The following APCDD1L variants were observed in gnomAD, a reference collection of about 807,000 sequenced individuals.
APCDD1L encodes the protein protein APCDD1-like.
APCDD1L carries 21 observed loss-of-function variants against 24.2 expected under a neutral mutation model. The ratio of observed to expected loss-of-function variants is 0.87; its 90% CI spans 0.61 to 1.25. The LOEUF (loss-of-function observed/expected upper bound fraction) is 1.25, where lower values mean the gene tolerates loss of function less well. Ranked by LOEUF, APCDD1L falls within the 50% of genes most tolerant of loss-of-function variation. The pLI is 0.00. For synonymous variants in APCDD1L, 321 were observed against 323.6 expected (o/e 0.99, Z 0.09); for missense variants, 704 against 711.7 (o/e 0.99, Z 0.12).
intron 1 of APCDD1L, among the ~76,000 whole-genome samples, chr20:58,509,635 T>C (rs141448140): frequency 4.6e-4 from 70 of 152,216 alleles, no homozygotes; most frequent in African/African-American, 1.6e-3. Flanking sequence ...TCACTGTCAT[T>C]ATTACCAGGC....
chr20:58,479,428 T>A (rs1989980380), intron 1 of APCDD1L, among the ~76,000 whole-genome samples: 1 of 152,054 alleles, frequency 6.6e-6, no homozygotes, highest in African/African-American at 2.4e-5. Flanking sequence ...CATGTCACAT[T>A]TTGCTGTATC....
Position 58,498,371 on chromosome 20 carries a change from C to T in APCDD1L, c.49+16288G>A, listed in dbSNP as rs186817430. 8.4e-4 allele frequency among the ~76,000 whole-genome samples: 128 copies of T among 152,230 alleles called. 1 individual carries two copies. Among genetic ancestry groups the T allele is most frequent in the African/African-American group, 2.9e-3 (120 of 41,530 alleles). On this transcript the variant is annotated intron_variant, in intron 1 of 3. Transcript: ENST00000371149. ...TTTCAGCCTCCAAAATGAACCCCTT[C>T]GGTAATTGAGAACCTATTAAAGGAG...
At chr20:58,502,702 G>T (rs934082667) in intron 1 of APCDD1L, among the ~76,000 whole-genome samples, 1 of 148,108 alleles carries the variant, frequency 6.8e-6, no homozygotes, top group Non-Finnish European at 1.5e-5. Flanking sequence ...AGAGAAAGAA[G>T]TTTGTCTTTG....
chr20:58,468,474 G>A (rs73298793), intron 2 of APCDD1L, among the ~76,000 whole-genome samples: 394 of 152,214 alleles, frequency 2.6e-3, no homozygotes, highest in African/African-American at 8.1e-3. Context: ...TACTGAGGGC[G>A]CAGGTAGGGT....
At chr20:58,493,448 C>T (rs549342691) in intron 1 of APCDD1L, among the ~76,000 whole-genome samples, 7 of 152,262 alleles carry the variant, frequency 4.6e-5, no homozygotes, top group Middle Eastern at 3.4e-3. Flanking sequence ...TAGAGACAAA[C>T]GAGATGATGG....
chr20:58,476,424 C>T (rs1568739908), intron 1 of APCDD1L, among the ~76,000 whole-genome samples: 1 of 152,234 alleles, frequency 6.6e-6, no homozygotes, highest in South Asian at 2.1e-4. Flanking sequence ...CTCCTGACCT[C>T]GTGATCCACC....
At chr20:58,480,924 C>T (rs957810348) in intron 1 of APCDD1L, among the ~76,000 whole-genome samples, 2 of 152,236 alleles carry the variant, frequency 1.3e-5, no homozygotes, top group Non-Finnish European at 1.5e-5. Context: ...GGAAGCGTTT[C>T]CCTTTTCACC....
intron 1 of APCDD1L, among the ~76,000 whole-genome samples, chr20:58,499,450 A>G (rs1481021416): frequency 6.6e-6 from 1 of 152,190 alleles, no homozygotes; most frequent in Non-Finnish European, 1.5e-5. Flanking sequence ...TTCTCCTGCA[A>G]TAACCCTCAG....
At chr20:58,509,053 T>A (rs968246448) in intron 1 of APCDD1L, among the ~76,000 whole-genome samples, 2 of 151,904 alleles carry the variant, frequency 1.3e-5, no homozygotes, top group African/African-American at 4.8e-5. Flanking sequence ...TCCTTTAGCC[T>A]TCTGGGAAGG....
At chr20:58,493,566 T>A (rs1990264231) in intron 1 of APCDD1L, among the ~76,000 whole-genome samples, 1 of 152,166 alleles carries the variant, frequency 6.6e-6, no homozygotes. Context: ...GCTCACACCT[T>A]AGAAACATAA....
chr20:58,487,893 T>C (rs4812007), intron 1 of APCDD1L, among the ~76,000 whole-genome samples: 11,549 of 152,208 alleles, frequency 0.076, 1,026 homozygotes, highest in East Asian at 0.27. Flanking sequence ...AAAAGATCAG[T>C]AATGACACCA....
In APCDD1L at chr20:58,459,472, C is replaced by T. The variant is rs1989554669; in HGVS notation, c.*1318G>A. ...GCTTCCCTCTGAAACCATCATTAAC[C>T]TCACAGACAATTGTTCAAAATCTGT... On this transcript the variant is annotated 3_prime_UTR_variant, in exon 4 of 4. Coordinates refer to ENST00000371149, the MANE Select transcript of APCDD1L (RefSeq NM_153360.3). 2 of 152,142 alleles carry T rather than the reference C, an allele frequency of 1.3e-5. No homozygotes were observed. Among genetic ancestry groups the T allele is most frequent in the Admixed American group, 6.5e-5 (1 of 15,284 alleles). 9.4% of individuals were successfully genotyped at this position (152,142 alleles called of 1,614,324 possible).
At chr20:58,495,657 C>T (rs1272374536) in intron 1 of APCDD1L, among the ~76,000 whole-genome samples, 5 of 152,266 alleles carry the variant, frequency 3.3e-5, no homozygotes, top group Admixed American at 6.5e-5. Flanking sequence ...TCAGTGCCCT[C>T]GTCTGTCGCG....
intron 3 of APCDD1L, among the ~76,000 whole-genome samples, chr20:58,463,887 T>C (rs941397022): frequency 1.3e-5 from 1 of 76,236 alleles, no homozygotes; most frequent in Non-Finnish European, 2.8e-5. Context: ...TGAGAACAGT[T>C]TTTTTTTGGG....
Position 58,461,986 on chromosome 20 carries a change from G to A in APCDD1L, c.742-432C>T, listed in dbSNP as rs565919945. 142 of 169,750 alleles carry A rather than the reference G, an allele frequency of 8.4e-4. 1 individual carries two copies. Among genetic ancestry groups the A allele is most frequent in the Non-Finnish European group, 1.6e-3 (128 of 80,436 alleles). The allele number at this position is 169,750 out of a possible 1,614,324, so 10.5% of individuals were successfully genotyped here. ...ACCCCTCATCAAACTGGAATGCATC[G>A]TGCCTTACAGTACTAAAAAGCCCTA... On this transcript the variant is annotated intron_variant, in intron 3 of 3. Coordinates refer to ENST00000371149, the MANE Select transcript of APCDD1L (RefSeq NM_153360.3). The surrounding 1 kb of genome is among the most constrained non-coding windows in gnomAD (Gnocchi z 6.0).
At chr20:58,500,611 A>G (rs909467160) in intron 1 of APCDD1L, among the ~76,000 whole-genome samples, 2 of 152,168 alleles carry the variant, frequency 1.3e-5, no homozygotes, top group African/African-American at 4.8e-5. Flanking sequence ...GAGATAGGGA[A>G]GTGTCATGCC....
intron 1 of APCDD1L, among the ~76,000 whole-genome samples, chr20:58,505,071 C>CAAAG (rs1384046908): frequency 6.6e-6 from 1 of 152,108 alleles, no homozygotes; most frequent in Non-Finnish European, 1.5e-5. Flanking sequence ...AACATAGAGA[C>CAAAG]AAAGAAAGAA....
In APCDD1L at chr20:58,467,089, C is replaced by T; in HGVS notation, c.741+17G>A. 1 of 1,589,644 alleles carries T rather than the reference C, an allele frequency of 6.3e-7. No homozygotes were observed. Among genetic ancestry groups the T allele is most frequent in the Non-Finnish European group, 8.5e-7 (1 of 1,171,672 alleles). Reference sequence around the variant, plus strand: ...GACCACCACCCCCCTCTCCCACACCCCAACACACACACTCACCAGTGCGCT... The same window carrying T: ...GACCACCACCCCCCTCTCCCACACCTCAACACACACACTCACCAGTGCGCT... On this transcript the variant is annotated intron_variant, in intron 3 of 3. Coordinates refer to ENST00000371149, the MANE Select transcript of APCDD1L (RefSeq NM_153360.3). The surrounding 1 kb of genome is among the most constrained non-coding windows in gnomAD (Gnocchi z 5.9).
intron 3 of APCDD1L, among the ~76,000 whole-genome samples, chr20:58,464,747 TCGTGGGCAAGG>T (rs1383290535): frequency 6.6e-6 from 1 of 152,232 alleles, no homozygotes; most frequent in African/African-American, 2.4e-5. Context: ...CTGGTTTGGG[TCGTGGGCAAGG>T]CGTGGGCCCC....
Sources: allele counts gnomAD v4.1 joint callset (sites outside exome capture counted in the v4.1 genomes callset), GRCh38; gene constraint gnomAD v4.1.1; non-coding constraint Gnocchi (gnomAD v3.1); transcripts MANE v1.5; gene names NCBI Gene and HGNC (gene_info 2026-07-23, HGNC 2026-07-21).